Variants in C3orf49 observed in about 807,000 individuals in gnomAD.
C3orf49 encodes the protein chromosome 3 open reading frame 49.
A neutral mutation model predicts 13.3 loss-of-function variants in C3orf49; 27 were observed. That is an observed-to-expected ratio of 2.02 (90% CI 1.49 to 2.79). The LOEUF is 2.79. C3orf49 is among the 30% of genes most tolerant of loss of function. The pLI, the probability that C3orf49 is intolerant of heterozygous loss-of-function variation, is 0.00. For missense variants in C3orf49, 242 were observed against 134.2 expected (o/e 1.80, Z -3.97); for synonymous variants, 87 against 47.6 (o/e 1.83, Z -3.40).
the C3orf49 span, among the ~76,000 whole-genome samples, chr3:63,788,733 A>C: frequency 1.3e-5 from 2 of 151,964 alleles, no homozygotes; most frequent in Non-Finnish European, 2.9e-5. Flanking sequence ...CAATTTAAAA[A>C]AAAAAAACAA....
intron 2 of C3orf49, among the ~76,000 whole-genome samples, chr3:63,826,355 G>C (rs985056691): frequency 1.3e-5 from 2 of 152,146 alleles, no homozygotes; most frequent in African/African-American, 4.8e-5. Context: ...CATTAGCTTG[G>C]ATTAGTCAGG....
the C3orf49 span, among the ~76,000 whole-genome samples, chr3:63,790,573 G>T: frequency 6.8e-6 from 1 of 147,942 alleles, no homozygotes; most frequent in African/African-American, 2.5e-5. Flanking sequence ...GCCAAGTCTA[G>T]GATCTTGCTA....
Position 63,837,135 on chromosome 3 carries a change from TATTA to T in C3orf49, c.849+5295_849+5298del, listed in dbSNP as rs1468862764. Among the ~76,000 whole-genome samples, 4 of 151,968 alleles carry T rather than the reference TATTA, an allele frequency of 2.6e-5. No homozygotes were observed. In the East Asian group the frequency reaches 7.7e-4, roughly 29 times the overall value. On this transcript the variant is annotated intron_variant, in intron 5 of 6. Transcript: ENST00000295896. The stretch of plus-strand genomic sequence containing the variant: ...AAATTCATTGTTTTAGAACTGAGCA[TATTA>T]ATTCAAAGTATGATTCTTTTGGATA...
At chr3:63,798,996 T>C in the C3orf49 span, among the ~76,000 whole-genome samples, 44 of 152,262 alleles carry the variant, frequency 2.9e-4, no homozygotes, top group African/African-American at 1.0e-3. Flanking sequence ...TAAACCCTAT[T>C]GGACTGTGGT....
the C3orf49 span, among the ~76,000 whole-genome samples, chr3:63,780,557 C>G: frequency 3.0e-4 from 45 of 152,284 alleles, 1 homozygote; most frequent in Middle Eastern, 0.01. Context: ...CCTGAGGAAT[C>G]GCCACACTGA....
In C3orf49 at chr3:63,836,218, C is replaced by A; in HGVS notation, c.849+4374C>A. On this transcript the variant is annotated intron_variant, in intron 5 of 6. Transcript: ENST00000295896. The stretch of plus-strand genomic sequence containing the variant: ...CCCTCCTTTTGAAACATATTTATTT[C>A]TGCAAAAATGAAATGCCTACGGTAG... 8 of 1,301,848 alleles carry A rather than the reference C, an allele frequency of 6.1e-6. No homozygotes were observed. In the South Asian group the frequency reaches 6.8e-5, roughly 11 times the overall value. 80.6% of individuals were successfully genotyped at this position (1,301,848 alleles called of 1,614,324 possible).
intron 2 of C3orf49, among the ~76,000 whole-genome samples, chr3:63,824,850 A>G (rs996156154): frequency 6.6e-6 from 1 of 151,044 alleles, no homozygotes; most frequent in Non-Finnish European, 1.5e-5. Flanking sequence ...AAAAAAAAAA[A>G]AAAAGAAAAA....
chr3:63,832,006 C>T, intron 5 of C3orf49, 162 bp downstream of exon 5: 1 of 553,868 alleles, frequency 1.8e-6, no homozygotes, highest in Non-Finnish European at 3.2e-6. Context: ...CCAGCCTGGC[C>T]AACATGGTGA....
chr3:63,782,389 A>G, the C3orf49 span: 1 of 152,238 alleles, frequency 6.6e-6, no homozygotes, highest in Admixed American at 6.5e-5. Context: ...TTTCAAATTC[A>G]ATTTTCAAGG....
At chr3:63,837,693 A>G (rs1268585270) in intron 5 of C3orf49, among the ~76,000 whole-genome samples, 1 of 152,038 alleles carries the variant, frequency 6.6e-6, no homozygotes, top group African/African-American at 2.4e-5. Context: ...AGGGTCCAAG[A>G]TGGTAAAAAT....
intron 5 of C3orf49, among the ~76,000 whole-genome samples, chr3:63,840,644 C>T (rs902201085): frequency 2.0e-5 from 3 of 152,096 alleles, no homozygotes; most frequent in Admixed American, 1.3e-4. Context: ...TGATGGCCAA[C>T]AAGTGGGGTC....
the C3orf49 span, among the ~76,000 whole-genome samples, chr3:63,804,850 T>C: frequency 4.6e-5 from 7 of 152,198 alleles, no homozygotes; most frequent in Non-Finnish European, 8.8e-5. Context: ...AGATTCTCAA[T>C]AATTACTTGT....
intron 5 of C3orf49, among the ~76,000 whole-genome samples, chr3:63,843,231 G>T (rs1701805959): frequency 6.6e-6 from 1 of 152,048 alleles, no homozygotes; most frequent in African/African-American, 2.4e-5. Flanking sequence ...CGATTCTCTT[G>T]CCTCAGCCTT....
chr3:63,838,772 A>C (rs1476610925), intron 5 of C3orf49, among the ~76,000 whole-genome samples: 1 of 152,222 alleles, frequency 6.6e-6, no homozygotes, highest in Admixed American at 6.5e-5. Flanking sequence ...TTTGTTTAAA[A>C]GACTTTAGAA....
intron 5 of C3orf49, among the ~76,000 whole-genome samples, chr3:63,840,832 A>T (rs1399657002): frequency 6.6e-6 from 1 of 152,242 alleles, no homozygotes; most frequent in Non-Finnish European, 1.5e-5. Context: ...ACTTTTATAC[A>T]CTAATAAAAT....
At chr3:63,812,795 C>T in the C3orf49 span, among the ~76,000 whole-genome samples, 1 of 152,074 alleles carries the variant, frequency 6.6e-6, no homozygotes, top group Admixed American at 6.5e-5. Context: ...AATTTTTTAG[C>T]GTAAATGTAA....
In C3orf49 at chr3:63,819,329, A is replaced by T; in HGVS notation, c.-143A>T. 2 of 590,310 alleles carry T rather than the reference A, an allele frequency of 3.4e-6. No homozygotes were observed. The highest frequency in any genetic ancestry group is 2.1e-5 in the South Asian group (1 of 47,100). 36.6% of individuals were successfully genotyped at this position (590,310 alleles called of 1,614,324 possible). The stretch of plus-strand genomic sequence containing the variant: ...ACACCTGGAAGGGAATAAGGGAAAG[A>T]CTCTAAAAATTTCCTACATATTTTA... On this transcript the variant is annotated 5_prime_UTR_variant, in exon 1 of 7. Coordinates refer to ENST00000295896, the MANE Select transcript of C3orf49 (RefSeq NM_001355236.2).
the C3orf49 span, among the ~76,000 whole-genome samples, chr3:63,785,551 T>C: frequency 6.6e-6 from 1 of 152,288 alleles, no homozygotes; most frequent in African/African-American, 2.4e-5. Flanking sequence ...AGGGTGTTCA[T>C]AAAAATCACT....
intron 5 of C3orf49, among the ~76,000 whole-genome samples, chr3:63,839,338 C>G (rs1701705643): frequency 6.6e-6 from 1 of 152,104 alleles, no homozygotes; most frequent in Non-Finnish European, 1.5e-5. Flanking sequence ...ATAGCAGCAG[C>G]CTTTTATTAG....
Sources: gnomAD v4.1 joint callset for allele counts (sites outside exome capture counted in the v4.1 genomes callset) on GRCh38, gnomAD v4.1.1 for gene constraint, MANE v1.5 for transcripts, NCBI Gene and HGNC (gene_info 2026-07-23, HGNC 2026-07-21) for gene names.